Variants in NINJ2 observed in about 807,000 individuals in gnomAD.
The protein encoded by NINJ2 is ninjurin-2.
NINJ2 carries 12 observed loss-of-function variants against 11.7 expected under a neutral mutation model. The observed-to-expected ratio is 1.02, with a 90% CI of 0.66 to 1.66. NINJ2 has a LOEUF of 1.66. Among genes scored for constraint, NINJ2 ranks in the 40% most tolerant of loss-of-function variants. NINJ2 has a pLI of 0.00. For synonymous variants in NINJ2, 93 were observed against 76.8 expected (o/e 1.21, Z -1.10); for missense variants, 187 against 181.8 (o/e 1.03, Z -0.16).
chr12:572,685 C>G (rs746104920), intron 1 of NINJ2, among the ~76,000 whole-genome samples: 2 of 152,128 alleles, frequency 1.3e-5, no homozygotes, highest in Non-Finnish European at 2.9e-5. Flanking sequence ...GGGTTAAACA[C>G]AGGACATGAG....
In NINJ2 at chr12:591,675, C is replaced by A. The variant is rs1230643375; in HGVS notation, c.34-25497G>T. Among the ~76,000 whole-genome samples the A allele has an allele frequency of 4.6e-5, 7 of 152,156 alleles. No homozygotes were observed. The highest frequency in any genetic ancestry group is 6.5e-5 in the Admixed American group (1 of 15,270). ...AACAGATGTCACGGAGGGAGCAGTG[C>A]AGTGTCACCAGTCTGGCTTCTCGCC... On this transcript the variant is annotated intron_variant, in intron 1 of 3. Coordinates refer to ENST00000305108, the MANE Select transcript of NINJ2 (RefSeq NM_016533.6). The surrounding 1 kb of genome is among the most constrained non-coding windows in gnomAD (Gnocchi z 5.0).
intron 1 of NINJ2, among the ~76,000 whole-genome samples, chr12:609,622 T>A (rs1446784359): frequency 1.4e-5 from 2 of 146,458 alleles, no homozygotes; most frequent in Admixed American, 1.4e-4. Context: ...ACAAAAAAAA[T>A]TAGCCGGGCG....
chr12:565,437 A>G, intron 2 of NINJ2, 36 bp from the exon 3 acceptor site: 1 of 1,603,924 alleles, frequency 6.2e-7, no homozygotes, highest in South Asian at 1.1e-5. Context: ...AGGGTCAGAG[A>G]CGGGGCCACA....
At chr12:622,409 CAAAAAAAAAAA>C (rs1169331783) in intron 1 of NINJ2, among the ~76,000 whole-genome samples, 119 of 47,434 alleles carry the variant, frequency 2.5e-3, no homozygotes, top group East Asian at 0.018. Context: ...GACTCCGTCT[CAAAAAAAAAAA>C]AAAAAAAAAA....
Position 628,317 on chromosome 12 carries a change from G to A in NINJ2, c.33+35011C>T, listed in dbSNP as rs1948232630. On this transcript the variant is annotated intron_variant, in intron 1 of 3. Coordinates refer to ENST00000305108, the MANE Select transcript of NINJ2 (RefSeq NM_016533.6). The surrounding 1 kb of genome is among the most constrained non-coding windows in gnomAD (Gnocchi z 4.4). Reference sequence around the variant, plus strand: ...AGGAGTCTTCCTAGAGGGGAAGGGGGAAGCCTCCTCATAGAGATCTCAGAG... The same window carrying A: ...AGGAGTCTTCCTAGAGGGGAAGGGGAAAGCCTCCTCATAGAGATCTCAGAG... Among the ~76,000 whole-genome samples, 2 of 151,980 alleles carry A rather than the reference G, an allele frequency of 1.3e-5. No homozygotes were observed. The highest frequency in any genetic ancestry group is 2.4e-5 in the African/African-American group (1 of 41,422).
Position 597,782 on chromosome 12 carries a change from T to C in NINJ2, c.34-31604A>G, listed in dbSNP as rs559397285. Among the ~76,000 whole-genome samples the C allele has an allele frequency of 3.3e-5, 5 of 152,206 alleles. No homozygotes were observed. The South Asian group carries it at 1.0e-3, about 32-fold the overall frequency. On this transcript the variant is annotated intron_variant, in intron 1 of 3. Transcript: ENST00000305108. ...ACCATTAACAATGAACACCAAGAAG[T>C]GTCGCAGGAGCCTGCACCTCGGCAG...
At chr12:626,629 GT>G (rs1387215039) in intron 1 of NINJ2, among the ~76,000 whole-genome samples, 2 of 152,142 alleles carry the variant, frequency 1.3e-5, no homozygotes, top group Non-Finnish European at 2.9e-5. Flanking sequence ...TGGCACTGTA[GT>G]TAAGGGTATA....
chr12:642,933 C>T (rs1295793394), intron 1 of NINJ2: 3 of 149,314 alleles, frequency 2.0e-5, no homozygotes. Flanking sequence ...TCCCGGGCCC[C>T]GGCCGCCCCC....
chr12:638,941 T>C (rs906857459), intron 1 of NINJ2, among the ~76,000 whole-genome samples: 2 of 152,312 alleles, frequency 1.3e-5, no homozygotes, highest in East Asian at 1.9e-4. Flanking sequence ...TGTATATCCA[T>C]AGTAAGTAAT....
chr12:570,643 A>C (rs556369566), intron 1 of NINJ2, among the ~76,000 whole-genome samples: 19 of 150,176 alleles, frequency 1.3e-4, no homozygotes, highest in Non-Finnish European at 2.7e-4. Context: ...GTTTCGCCGG[A>C]CTCTTCGCCG....
chr12:610,255 C>A, intron 1 of NINJ2: 1 of 1,077,654 alleles, frequency 9.3e-7, no homozygotes, highest in Non-Finnish European at 1.4e-6. Flanking sequence ...GTGAAACAGC[C>A]CCTCTGGCAG....
chr12:571,274 G>A (rs1052044271), intron 1 of NINJ2, among the ~76,000 whole-genome samples: 19 of 152,274 alleles, frequency 1.2e-4, no homozygotes, highest in African/African-American at 4.6e-4. Flanking sequence ...GGTGGGAGTA[G>A]ATCCAGAGTT....
chr12:579,581 T>G (rs1397951944), intron 1 of NINJ2, among the ~76,000 whole-genome samples: 2 of 152,168 alleles, frequency 1.3e-5, no homozygotes, highest in Non-Finnish European at 2.9e-5. Context: ...GCTTACTTTA[T>G]CTTACATAAA....
intron 1 of NINJ2, among the ~76,000 whole-genome samples, chr12:651,151 G>A (rs1937779946): frequency 1.3e-5 from 2 of 151,956 alleles, no homozygotes; most frequent in African/African-American, 2.4e-5. Flanking sequence ...AGCTGCCCAA[G>A]TTCTATAGTA....
chr12:609,226 ACG>A lies in NINJ2; in HGVS notation c.34-43050_34-43049del, dbSNP rs1947984801. Among the ~76,000 whole-genome samples the A allele has an allele frequency of 9.6e-5, 13 of 134,964 alleles. 1 individual carries two copies. The highest frequency in any genetic ancestry group is 3.8e-4 in the Admixed American group (5 of 13,206). 88.5% of individuals were successfully genotyped at this position (134,964 alleles called of 152,430 possible). On this transcript the variant is annotated intron_variant, in intron 1 of 3. Transcript: ENST00000305108. ...CACGGCGCCACGCGCTAGGGGCTGA[ACG>A]CGCACGCACGGCGCCACGCTAGGGG...
intron 1 of NINJ2, among the ~76,000 whole-genome samples, chr12:598,151 T>C (rs952100405): frequency 3.3e-5 from 5 of 152,208 alleles, no homozygotes; most frequent in Non-Finnish European, 7.3e-5. Flanking sequence ...ATAATGTGTG[T>C]GTATGCGTGT....
chr12:626,111 G>A (rs772287684), intron 1 of NINJ2, among the ~76,000 whole-genome samples: 1 of 152,250 alleles, frequency 6.6e-6, no homozygotes, highest in Non-Finnish European at 1.5e-5. Flanking sequence ...TGGCAGATAG[G>A]ATGGGATGAG....
intron 1 of NINJ2, among the ~76,000 whole-genome samples, chr12:659,579 A>G (rs76914074): frequency 0.2 from 29,959 of 152,162 alleles, 3,078 homozygotes; most frequent in South Asian, 0.27. Context: ...GCCACAGGCC[A>G]TAGAACAGAA....
At chr12:622,523 A>G (rs548695271) in intron 1 of NINJ2, among the ~76,000 whole-genome samples, 1 of 151,990 alleles carries the variant, frequency 6.6e-6, no homozygotes, top group Non-Finnish European at 1.5e-5. Flanking sequence ...TATTTGTTTA[A>G]AGGCCCTTTT....
Sources: gnomAD v4.1 joint callset for allele counts (sites outside exome capture counted in the v4.1 genomes callset) on GRCh38, gnomAD v4.1.1 for gene constraint, Gnocchi (gnomAD v3.1) non-coding constraint, MANE v1.5 for transcripts, NCBI Gene and HGNC (gene_info 2026-07-23, HGNC 2026-07-21) for gene names.